The following WLS variants were observed in gnomAD, a reference collection of about 807,000 sequenced individuals.
The protein encoded by WLS is Wnt ligand secretion mediator.
Under a neutral mutation model 62.8 loss-of-function variants are expected in WLS, and 23 were observed. The ratio of observed to expected loss-of-function variants is 0.37; its 90% CI spans 0.26 to 0.52. The LOEUF (loss-of-function observed/expected upper bound fraction) is 0.52, where lower values mean the gene tolerates loss of function less well. WLS is among the 20% of genes least tolerant of loss of function. The pLI is 0.92. For synonymous variants in WLS, 246 were observed against 244.1 expected (o/e 1.01, Z -0.07); for missense variants, 615 against 697.3 (o/e 0.88, Z 1.33).
chr1:68,204,654 A>C (rs972773208), intron 1 of WLS, among the ~76,000 whole-genome samples: 1 of 152,180 alleles, frequency 6.6e-6, no homozygotes, highest in Admixed American at 6.5e-5. Flanking sequence ...TAAATAGTCT[A>C]TGCAATTATT....
chr1:68,137,488 G>A (rs80144632), intron 11 of WLS, among the ~76,000 whole-genome samples: 2,282 of 152,218 alleles, frequency 0.015, 54 homozygotes, highest in African/African-American at 0.053. Context: ...AAAATGTAAA[G>A]AAGAAAATTT....
chr1:68,131,509 C>T (rs1483799148), intron 11 of WLS, among the ~76,000 whole-genome samples: 1 of 152,020 alleles, frequency 6.6e-6, no homozygotes, highest in African/African-American at 2.4e-5. Flanking sequence ...AGTTGTCTCT[C>T]GGTGCCTGTC....
intron 6 of WLS, among the ~76,000 whole-genome samples, chr1:68,149,927 G>A (rs1365622133): frequency 6.6e-6 from 1 of 152,190 alleles, no homozygotes; most frequent in Admixed American, 6.5e-5. Context: ...ACCCCATGCA[G>A]TAGGTCTTTA....
chr1:68,104,335 AT>A (rs1451744834), intron 11 of WLS, among the ~76,000 whole-genome samples: 1 of 152,204 alleles, frequency 6.6e-6, no homozygotes, highest in African/African-American at 2.4e-5. Context: ...TTAGCTAGTT[AT>A]GCAAAGTCCA....
chr1:68,145,197 C>A (rs994162257), intron 9 of WLS, among the ~76,000 whole-genome samples: 3 of 152,146 alleles, frequency 2.0e-5, no homozygotes, highest in Non-Finnish European at 4.4e-5. Flanking sequence ...CTGTGCAGAT[C>A]TACTGCATAT....
At chr1:68,217,711 C>T (rs937643537) in intron 1 of WLS, among the ~76,000 whole-genome samples, 3 of 152,124 alleles carry the variant, frequency 2.0e-5, no homozygotes, top group Non-Finnish European at 2.9e-5. Context: ...CTTTGGATAA[C>T]GTGGGCTGAC....
At chr1:68,220,865 C>T (rs146904154) in intron 1 of WLS, among the ~76,000 whole-genome samples, 5 of 152,190 alleles carry the variant, frequency 3.3e-5, no homozygotes, top group African/African-American at 9.6e-5. Flanking sequence ...TGTAACTAGC[C>T]GAAGTTTTAA....
At chr1:68,129,449 T>G (rs2100391391) in intron 11 of WLS, among the ~76,000 whole-genome samples, 1 of 152,362 alleles carries the variant, frequency 6.6e-6, no homozygotes, top group African/African-American at 2.4e-5. Context: ...GTTATAAATT[T>G]ATGAGTATTG....
intron 2 of WLS, among the ~76,000 whole-genome samples, chr1:68,187,950 T>C (rs1648063579): frequency 1.3e-5 from 2 of 152,230 alleles, no homozygotes; most frequent in African/African-American, 4.8e-5. Context: ...CACCTAAACT[T>C]ACCTGAGGCT....
chr1:68,105,090 G>C, intron 11 of WLS, among the ~76,000 whole-genome samples: 1 of 152,162 alleles, frequency 6.6e-6, no homozygotes, highest in East Asian at 1.9e-4. Context: ...GTTTAATAAG[G>C]TTAGATGTCT....
rs140465138 is a variant in WLS, at chr1:68,137,929, G to A, written c.1367C>T (p.Thr456Met). 3.5e-4 allele frequency: 568 copies of A among 1,613,672 alleles called. No homozygotes were observed. Among genetic ancestry groups the A allele is most frequent in the Non-Finnish European group, 4.1e-4 (481 of 1,179,750 alleles). Residue 456 changes from threonine (T) to methionine (M), a missense_variant, in exon 11 of 12, where the codon ACG (threonine) becomes ATG (methionine). Coordinates refer to ENST00000262348, the MANE Select transcript of WLS (RefSeq NM_024911.7). ...GCCGCCCCATTTCCAATGGCCTTCC[G>A]TTACCTGCGGAGAAAGGATGGTGAT... ...TVIFFIVSQV[T>M]EGHWKWGGVT...
chr1:68,183,710 T>C, intron 2 of WLS: 1 of 237,678 alleles, frequency 4.2e-6, no homozygotes, highest in South Asian at 4.5e-5. Flanking sequence ...GATGTCCACT[T>C]AACATTCCAT....
intron 2 of WLS, among the ~76,000 whole-genome samples, chr1:68,185,198 C>T (rs1030168131): frequency 2.0e-5 from 3 of 152,202 alleles, no homozygotes; most frequent in African/African-American, 7.2e-5. Flanking sequence ...CTGCTCCCCA[C>T]TTCAGATGCC....
intron 2 of WLS, among the ~76,000 whole-genome samples, chr1:68,175,236 G>A (rs1055716976): frequency 6.6e-6 from 1 of 152,124 alleles, no homozygotes; most frequent in East Asian, 1.9e-4. Flanking sequence ...ATTTTTTACT[G>A]CCTACTATGT....
downstream of WLS, among the ~76,000 whole-genome samples, chr1:68,121,618 G>A (rs376746627): frequency 5.9e-5 from 9 of 152,234 alleles, no homozygotes; most frequent in African/African-American, 1.2e-4. Flanking sequence ...GATGGTTCCC[G>A]GAGCACTACA....
chr1:68,170,293 G>A (rs1647132451), intron 2 of WLS, among the ~76,000 whole-genome samples: 1 of 151,662 alleles, frequency 6.6e-6, no homozygotes, highest in African/African-American at 2.4e-5. Flanking sequence ...AGCCTCCTGA[G>A]TAACTGGGAT....
chr1:68,105,729 C>A (rs374225352), intron 11 of WLS, among the ~76,000 whole-genome samples: 1 of 152,140 alleles, frequency 6.6e-6, no homozygotes, highest in African/African-American at 2.4e-5. Flanking sequence ...ATTTTGGCCT[C>A]ACATTAAGGG....
At chr1:68,170,834 C>G (rs561413912) in intron 2 of WLS, among the ~76,000 whole-genome samples, 1 of 152,292 alleles carries the variant, frequency 6.6e-6, no homozygotes, top group East Asian at 1.9e-4. Context: ...CCTATTTAGG[C>G]TGGGTTCCTA....
At chr1:68,166,166 C>A (rs79096361) in intron 2 of WLS, among the ~76,000 whole-genome samples, 4,788 of 152,258 alleles carry the variant, frequency 0.031, 249 homozygotes, top group African/African-American at 0.11. Context: ...CCCAACAATT[C>A]CATGAAGTGG....
Sources: allele counts gnomAD v4.1 joint callset (sites outside exome capture counted in the v4.1 genomes callset), GRCh38; gene constraint gnomAD v4.1.1; transcripts MANE v1.5; gene names NCBI Gene and HGNC (gene_info 2026-07-23, HGNC 2026-07-21).